The following NCAM2 variants were observed in gnomAD, a reference collection of about 807,000 sequenced individuals.
NCAM2 encodes the protein neural cell adhesion molecule 2.
A neutral mutation model predicts 98.1 loss-of-function variants in NCAM2; 30 were observed. The observed-to-expected ratio is 0.31, with a 90% CI of 0.23 to 0.41. The LOEUF (loss-of-function observed/expected upper bound fraction) is 0.41. Ranked by LOEUF, NCAM2 falls within the 10% of genes least tolerant of loss-of-function variation. The probability of loss-of-function intolerance (pLI) is 1.00; values close to 1 mark genes in which losing one functional copy is unlikely to be tolerated. For missense variants in NCAM2, 867 were observed against 1,005.8 expected, an observed-to-expected ratio of 0.86 and a Z score of 1.87; for synonymous variants, 368 against 342.4, an observed-to-expected ratio of 1.07 and a Z score of -0.83.
chr21:21,286,960 T>G (rs1429590930), intron 4 of NCAM2, among the ~76,000 whole-genome samples: 1 of 151,894 alleles, frequency 6.6e-6, no homozygotes, highest in Non-Finnish European at 1.5e-5. Flanking sequence ...TCTGGGGCAG[T>G]ACGTTCAAGG....
intron 1 of NCAM2, among the ~76,000 whole-genome samples, chr21:21,252,489 C>A (rs1465178427): frequency 6.6e-6 from 1 of 151,512 alleles, no homozygotes; most frequent in African/African-American, 2.4e-5. Context: ...AAGACACAAT[C>A]TAGTCAATCA....
intron 9 of NCAM2, among the ~76,000 whole-genome samples, chr21:21,392,895 G>A (rs1372323887): frequency 6.6e-6 from 1 of 152,094 alleles, no homozygotes; most frequent in Non-Finnish European, 1.5e-5. Context: ...CCATTCTGTA[G>A]GTTGTTTTAT....
At chr21:21,457,513 G>A (rs530606747) in intron 12 of NCAM2, among the ~76,000 whole-genome samples, 270 of 152,112 alleles carry the variant, frequency 1.8e-3, no homozygotes, top group South Asian at 4.6e-3. Context: ...GGTGGCATGC[G>A]CCTGTAATCC....
intron 9 of NCAM2, among the ~76,000 whole-genome samples, chr21:21,405,691 T>A (rs185098478): frequency 1.2e-4 from 12 of 98,616 alleles, no homozygotes. Context: ...AATTTCTTAA[T>A]CACAACTGTG....
chr21:21,160,911 A>G (rs2067763003), intron 1 of NCAM2, among the ~76,000 whole-genome samples: 1 of 152,044 alleles, frequency 6.6e-6, no homozygotes, highest in African/African-American at 2.4e-5. Context: ...AATGAGCCCT[A>G]TAGCACTGAA....
At chr21:21,171,748 A>G (rs975919495) in intron 1 of NCAM2, among the ~76,000 whole-genome samples, 10 of 152,208 alleles carry the variant, frequency 6.6e-5, no homozygotes, top group African/African-American at 2.4e-4. Flanking sequence ...GCTAAAAGGT[A>G]GTAGAGTACA....
intron 4 of NCAM2, among the ~76,000 whole-genome samples, chr21:21,288,658 G>A (rs2073186529): frequency 6.6e-6 from 1 of 151,368 alleles, no homozygotes; most frequent in East Asian, 1.9e-4. Context: ...ATTTATAATA[G>A]ACTTATATGA....
intron 1 of NCAM2, among the ~76,000 whole-genome samples, chr21:21,186,734 A>G (rs116753215): frequency 6.6e-6 from 1 of 152,178 alleles, no homozygotes; most frequent in South Asian, 2.1e-4. Flanking sequence ...TATATAAAAG[A>G]TGATCTACAT....
At chr21:21,273,723 G>A (rs1221203526) in intron 1 of NCAM2, among the ~76,000 whole-genome samples, 1 of 151,808 alleles carries the variant, frequency 6.6e-6, no homozygotes, top group Non-Finnish European at 1.5e-5. Context: ...AATTTGAGAG[G>A]GTTAGGGAGA....
chr21:21,443,681 G>T (rs1230565949), intron 12 of NCAM2, among the ~76,000 whole-genome samples: 2 of 152,082 alleles, frequency 1.3e-5, no homozygotes, highest in African/African-American at 4.8e-5. Context: ...AGTACTCAGT[G>T]AGAGATAGCC....
At chr21:21,272,278 G>A (rs1355789718) in intron 1 of NCAM2, among the ~76,000 whole-genome samples, 1 of 152,144 alleles carries the variant, frequency 6.6e-6, no homozygotes, top group African/African-American at 2.4e-5. Context: ...AATGGCACCT[G>A]AGATCTGTAC....
intron 1 of NCAM2, among the ~76,000 whole-genome samples, chr21:21,075,712 TA>T (rs1351734728): frequency 1.6e-4 from 24 of 152,308 alleles, no homozygotes; most frequent in African/African-American, 5.3e-4. Flanking sequence ...CATAAATGGG[TA>T]TTGAATTTTA....
intron 1 of NCAM2, chr21:21,147,054 C>CTGCCTTCTACTCCGGAACTCATACCGTT: frequency 1.8e-6 from 1 of 553,062 alleles, no homozygotes; most frequent in Non-Finnish European, 2.3e-6. Flanking sequence ...ACTCATACGG[C>CTGCCTTCTACTCCGGAACTCATACCGTT]TGCCTTCTAC....
chr21:21,257,391 C>G (rs1303091274), intron 1 of NCAM2, among the ~76,000 whole-genome samples: 3 of 152,072 alleles, frequency 2.0e-5, no homozygotes, highest in Admixed American at 6.5e-5. Flanking sequence ...TTCAGGAACC[C>G]TTGATGGCAG....
chr21:21,153,865 G>A (rs1181376418), intron 1 of NCAM2, among the ~76,000 whole-genome samples: 2 of 151,832 alleles, frequency 1.3e-5, no homozygotes, highest in Non-Finnish European at 2.9e-5. Flanking sequence ...ACTTAATTGG[G>A]CAGCTTTTAA....
At chr21:21,393,303 A>G (rs767621308) in intron 9 of NCAM2, among the ~76,000 whole-genome samples, 3 of 151,974 alleles carry the variant, frequency 2.0e-5, no homozygotes, top group Non-Finnish European at 2.9e-5. Context: ...CCATTGGTCT[A>G]TATGTCTGCT....
rs1024092934 is a variant in NCAM2 at position 21,181,771 on chromosome 21, C to T, written c.56-98807C>T. ...GTCCTTCAATGTTTCTTATCCTCTT[C>T]CTTCGTTTTTTTTCCTGCACAATAT... On this transcript the variant is annotated intron_variant, in intron 1 of 17. Coordinates refer to ENST00000400546, the MANE Select transcript of NCAM2 (RefSeq NM_004540.5). 3.9e-5 allele frequency among the ~76,000 whole-genome samples: 6 copies of T among 152,096 alleles called. No homozygotes were observed. In the South Asian group the frequency reaches 1.2e-3, roughly 32 times the overall value.
intron 1 of NCAM2, among the ~76,000 whole-genome samples, chr21:21,070,608 ATGT>A (rs1009392518): frequency 8.9e-5 from 13 of 145,376 alleles, no homozygotes; most frequent in African/African-American, 3.2e-4. Flanking sequence ...TGGGTCTAAC[ATGT>A]TGTGGTAGTA....
chr21:21,140,006 T>A (rs1011960126), intron 1 of NCAM2, among the ~76,000 whole-genome samples: 1 of 152,186 alleles, frequency 6.6e-6, no homozygotes, highest in Non-Finnish European at 1.5e-5. Flanking sequence ...TGATGGTGTC[T>A]CCAAGAATTT....
Sources: gnomAD v4.1 joint callset for allele counts (sites outside exome capture counted in the v4.1 genomes callset) on GRCh38, gnomAD v4.1.1 for gene constraint, MANE v1.5 for transcripts, NCBI Gene and HGNC (gene_info 2026-07-23, HGNC 2026-07-21) for gene names.